AGBL1: variants seen among roughly 807,000 people sequenced by gnomAD.
AGBL1 encodes AGBL carboxypeptidase 1.
In AGBL1, 130 loss-of-function variants were observed where a neutral mutation model predicts 118.9. That is an observed-to-expected ratio of 1.09 (90% CI 0.95 to 1.26). The LOEUF is 1.26. Among genes scored for constraint, AGBL1 ranks in the 50% most tolerant of loss-of-function variants. The pLI, the probability that AGBL1 is intolerant of heterozygous loss-of-function variation, is 0.00. For missense variants in AGBL1, 1,584 were observed against 1,298.1 expected (o/e 1.22, Z -3.38); for synonymous variants, 555 against 478.9 (o/e 1.16, Z -2.08).
intron 24 of AGBL1, among the ~76,000 whole-genome samples, chr15:87,011,025 A>C (rs2081554196): frequency 6.6e-6 from 1 of 152,258 alleles, no homozygotes; most frequent in South Asian, 2.1e-4. Context: ...CTTCTTGTTA[A>C]GTGCAGATAA....
At chr15:86,437,843 C>T (rs1018785738) in intron 18 of AGBL1, among the ~76,000 whole-genome samples, 1 of 152,126 alleles carries the variant, frequency 6.6e-6, no homozygotes, top group Non-Finnish European at 1.5e-5. Flanking sequence ...CAATTGCCAA[C>T]CAAATGTCAC....
intron 5 of AGBL1, among the ~76,000 whole-genome samples, chr15:86,203,776 T>C (rs1183514417): frequency 1.3e-5 from 2 of 152,196 alleles, no homozygotes; most frequent in Admixed American, 1.3e-4. Flanking sequence ...ATTTCCATTC[T>C]GAAATTAATG....
chr15:86,890,864 C>T (rs546837939), intron 22 of AGBL1, among the ~76,000 whole-genome samples: 22 of 152,112 alleles, frequency 1.4e-4, no homozygotes, highest in African/African-American at 5.3e-4. Context: ...ATTATCTTTG[C>T]TATGCAGGCT....
At chr15:86,231,090 C>G (rs1043968918) in intron 6 of AGBL1, among the ~76,000 whole-genome samples, 1 of 152,164 alleles carries the variant, frequency 6.6e-6, no homozygotes, top group African/African-American at 2.4e-5. Context: ...GTTCATAGAA[C>G]CTTATGTTTA....
At chr15:86,760,793 C>G (rs2078012356) in intron 22 of AGBL1, among the ~76,000 whole-genome samples, 1 of 152,018 alleles carries the variant, frequency 6.6e-6, no homozygotes, top group Non-Finnish European at 1.5e-5. Context: ...TGGAGGAGTA[C>G]CAACTTTGGG....
chr15:86,834,100 TC>T (rs1235859895), intron 22 of AGBL1, among the ~76,000 whole-genome samples: 1 of 152,088 alleles, frequency 6.6e-6, no homozygotes, highest in Non-Finnish European at 1.5e-5. Flanking sequence ...CATTATAGTT[TC>T]TCCTACACAA....
rs145292885 is a variant in AGBL1, at chr15:86,627,547, C to T, written c.2995-46726C>T. ...GAGTTTTTAAGCCTCAGTGGGAAAA[C>T]GAAGGTGCTGTTAGGATAAGCAGAA... On this transcript the variant is annotated intron_variant, in intron 21 of 22. Coordinates refer to ENST00000614907, the MANE Select transcript of AGBL1 (RefSeq NM_001386094.1). Among the ~76,000 whole-genome samples the T allele has an allele frequency of 9.3e-3, 1,421 of 152,162 alleles. 13 individuals are homozygous for T. Among genetic ancestry groups the T allele is most frequent in the Non-Finnish European group, 0.015 (1,019 of 68,026 alleles).
chr15:86,861,161 G>A (rs903827732), intron 22 of AGBL1, among the ~76,000 whole-genome samples: 1 of 152,098 alleles, frequency 6.6e-6, no homozygotes, highest in Non-Finnish European at 1.5e-5. Context: ...AGGGAATTCT[G>A]ATCCCCATTG....
chr15:87,030,424 A>C (rs926685313), downstream of AGBL1, among the ~76,000 whole-genome samples: 1 of 152,048 alleles, frequency 6.6e-6, no homozygotes, highest in Admixed American at 6.6e-5. Context: ...CTTATTGAAC[A>C]GTAGTAATAA....
At chr15:86,977,872 A>G (rs1311178391) in intron 23 of AGBL1, among the ~76,000 whole-genome samples, 2 of 152,126 alleles carry the variant, frequency 1.3e-5, no homozygotes, top group Admixed American at 1.3e-4. Context: ...TTTAAGGGGA[A>G]TGCCTCTTTA....
At chr15:86,248,841 T>C (rs1329717295) in intron 7 of AGBL1, among the ~76,000 whole-genome samples, 2 of 152,134 alleles carry the variant, frequency 1.3e-5, no homozygotes, top group Non-Finnish European at 2.9e-5. Flanking sequence ...GGGGCTGCCA[T>C]AGGTAGAGGG....
chr15:86,766,968 A>G (rs2078105331), intron 22 of AGBL1, among the ~76,000 whole-genome samples: 1 of 151,946 alleles, frequency 6.6e-6, no homozygotes, highest in Non-Finnish European at 1.5e-5. Flanking sequence ...TGACATAAAG[A>G]TTTAGGGTAA....
intron 22 of AGBL1, among the ~76,000 whole-genome samples, chr15:86,732,930 G>C (rs909645302): frequency 6.7e-6 from 1 of 149,154 alleles, no homozygotes; most frequent in African/African-American, 2.5e-5. Flanking sequence ...TAGATTTGTA[G>C]ATATATATAT....
intron 22 of AGBL1, among the ~76,000 whole-genome samples, chr15:86,705,552 G>A (rs2086435056): frequency 6.6e-6 from 1 of 152,174 alleles, no homozygotes; most frequent in Non-Finnish European, 1.5e-5. Context: ...TTATCATTTA[G>A]CATTGGAGTT....
intron 22 of AGBL1, among the ~76,000 whole-genome samples, chr15:86,684,562 C>T (rs1261671877): frequency 6.6e-6 from 1 of 151,664 alleles, no homozygotes. Context: ...CTCAAGCAGT[C>T]CTCTTGCCTT....
At chr15:86,566,805 T>G (rs1196397860) in intron 21 of AGBL1, among the ~76,000 whole-genome samples, 1 of 152,108 alleles carries the variant, frequency 6.6e-6, no homozygotes, top group Non-Finnish European at 1.5e-5. Context: ...TATCAATGGT[T>G]TTTAATAATA....
At chr15:86,767,108 G>A (rs1034651437) in intron 22 of AGBL1, among the ~76,000 whole-genome samples, 3 of 151,954 alleles carry the variant, frequency 2.0e-5, no homozygotes, top group Non-Finnish European at 4.4e-5. Context: ...GCTTAAATAA[G>A]TATCAACTTT....
At chr15:86,996,073 C>G (rs1360793299) in intron 24 of AGBL1, among the ~76,000 whole-genome samples, 1 of 152,124 alleles carries the variant, frequency 6.6e-6, no homozygotes, top group African/African-American at 2.4e-5. Context: ...TTTACAAACC[C>G]CATAACCATC....
At chr15:86,614,042 A>G (rs938584239) in intron 21 of AGBL1, among the ~76,000 whole-genome samples, 1 of 152,206 alleles carries the variant, frequency 6.6e-6, no homozygotes, top group Non-Finnish European at 1.5e-5. Flanking sequence ...TAATAAAAAT[A>G]AATCCTAAGA....
Sources: allele counts gnomAD v4.1 joint callset (sites outside exome capture counted in the v4.1 genomes callset), GRCh38; gene constraint gnomAD v4.1.1; transcripts MANE v1.5; gene names NCBI Gene and HGNC (gene_info 2026-07-23, HGNC 2026-07-21).